Variants in SLC24A3 observed in about 807,000 individuals in gnomAD.
The protein encoded by SLC24A3 is sodium/potassium/calcium exchanger 3.
Under a neutral mutation model 75.8 loss-of-function variants are expected in SLC24A3, and 28 were observed. The observed-to-expected ratio is 0.37, with a 90% confidence interval of 0.27 to 0.51. The LOEUF (loss-of-function observed/expected upper bound fraction) is 0.51, where lower values mean the gene tolerates loss of function less well. Ranked by LOEUF, SLC24A3 falls within the 20% of genes least tolerant of loss-of-function variation. The pLI is 0.94. For missense variants in SLC24A3, 663 were observed against 847.8 expected (o/e 0.78, Z 2.71); for synonymous variants, 372 against 334.1 (o/e 1.11, Z -1.24).
intron 8 of SLC24A3, among the ~76,000 whole-genome samples, chr20:19,670,931 A>G (rs2032458443): frequency 6.6e-6 from 1 of 152,322 alleles, no homozygotes; most frequent in African/African-American, 2.4e-5. Flanking sequence ...AAATCTCTGG[A>G]TAATGAGACA....
intron 6 of SLC24A3, among the ~76,000 whole-genome samples, chr20:19,641,436 CAG>C (rs2032074193): frequency 1.3e-5 from 2 of 152,150 alleles, no homozygotes; most frequent in Admixed American, 6.5e-5. Flanking sequence ...GATATTAAAA[CAG>C]ATCTGCTGTA....
At chr20:19,536,122 G>C (rs73900403) in intron 3 of SLC24A3, among the ~76,000 whole-genome samples, 2 of 152,136 alleles carry the variant, frequency 1.3e-5, no homozygotes, top group East Asian at 3.9e-4. Context: ...GAGAGATGCC[G>C]CTGATGGAGA....
chr20:19,224,498 C>T (rs552176037), intron 1 of SLC24A3, among the ~76,000 whole-genome samples: 14 of 152,128 alleles, frequency 9.2e-5, no homozygotes, highest in African/African-American at 2.2e-4. Flanking sequence ...ACCTGAACTA[C>T]GTGCTGGATA....
chr20:19,422,795 A>G (rs1263296040), intron 2 of SLC24A3, among the ~76,000 whole-genome samples: 1 of 152,188 alleles, frequency 6.6e-6, no homozygotes, highest in Non-Finnish European at 1.5e-5. Flanking sequence ...TCAGGAAGGA[A>G]TTTCTCACCT....
intron 3 of SLC24A3, among the ~76,000 whole-genome samples, chr20:19,562,181 C>G (rs1283062705): frequency 6.6e-6 from 1 of 152,210 alleles, no homozygotes; most frequent in Non-Finnish European, 1.5e-5. Flanking sequence ...TTTTAGCTCT[C>G]TGCTTTGTAG....
intron 1 of SLC24A3, among the ~76,000 whole-genome samples, chr20:19,279,216 T>C (rs558563915): frequency 6.6e-6 from 1 of 152,346 alleles, no homozygotes; most frequent in South Asian, 2.1e-4. Context: ...ACCGTGTTGG[T>C]GTGGCTGGGT....
intron 9 of SLC24A3, among the ~76,000 whole-genome samples, chr20:19,680,352 A>G (rs963596537): frequency 3.3e-5 from 5 of 152,066 alleles, no homozygotes; most frequent in Non-Finnish European, 7.3e-5. Flanking sequence ...AATTGATCTG[A>G]TTCAGGCTAG....
intron 2 of SLC24A3, among the ~76,000 whole-genome samples, chr20:19,470,593 T>TGTACATAAACGCACACAC (rs1473779717): frequency 1.3e-5 from 2 of 152,118 alleles, no homozygotes; most frequent in African/African-American, 4.8e-5. Context: ...TGTGCACACA[T>TGTACATAAACGCACACAC]GTACATACAC....
chr20:19,659,429 G>C (rs1413604864), intron 7 of SLC24A3, among the ~76,000 whole-genome samples: 2 of 152,232 alleles, frequency 1.3e-5, no homozygotes, highest in Non-Finnish European at 2.9e-5. Flanking sequence ...ATCTTGTGCT[G>C]TCCAATGTGG....
chr20:19,422,003 C>T (rs1029671303), intron 2 of SLC24A3, among the ~76,000 whole-genome samples: 1 of 152,108 alleles, frequency 6.6e-6, no homozygotes, highest in Non-Finnish European at 1.5e-5. Flanking sequence ...CACGCCTCAG[C>T]CTCAGAGTTG....
At chr20:19,462,102 G>A (rs1016606255) in intron 2 of SLC24A3, among the ~76,000 whole-genome samples, 6 of 152,092 alleles carry the variant, frequency 3.9e-5, no homozygotes, top group Admixed American at 2.6e-4. Context: ...TGTTGCAGAG[G>A]TTTGGTGTAC....
chr20:19,663,788 C>T (rs2032366923), intron 7 of SLC24A3, among the ~76,000 whole-genome samples: 1 of 152,076 alleles, frequency 6.6e-6, no homozygotes, highest in Admixed American at 6.5e-5. Flanking sequence ...GATTATTGTG[C>T]TCCTGTTTGG....
intron 6 of SLC24A3, among the ~76,000 whole-genome samples, chr20:19,625,188 A>T (rs1012228569): frequency 1.3e-5 from 2 of 152,228 alleles, no homozygotes; most frequent in Non-Finnish European, 2.9e-5. Flanking sequence ...CAGATTCAAA[A>T]GAGGAATTGG....
intron 7 of SLC24A3, among the ~76,000 whole-genome samples, chr20:19,662,575 A>G (rs2032339841): frequency 6.6e-6 from 1 of 152,256 alleles, no homozygotes; most frequent in African/African-American, 2.4e-5. Context: ...CTGGAACGTG[A>G]GCACCACTTA....
chr20:19,557,090 G>T (rs370617226), intron 3 of SLC24A3, among the ~76,000 whole-genome samples: 9 of 152,150 alleles, frequency 5.9e-5, no homozygotes, highest in South Asian at 2.1e-4. Context: ...GAAGTCTGCA[G>T]CTCATGCACT....
At chr20:19,571,262 G>A (rs965258125) in intron 3 of SLC24A3, among the ~76,000 whole-genome samples, 2 of 152,146 alleles carry the variant, frequency 1.3e-5, no homozygotes, top group Non-Finnish European at 2.9e-5. Flanking sequence ...TAGCCCTGTA[G>A]GGAGCACATC....
intron 2 of SLC24A3, among the ~76,000 whole-genome samples, chr20:19,339,798 GT>G (rs1203085251): frequency 6.6e-6 from 1 of 152,220 alleles, no homozygotes; most frequent in Admixed American, 6.5e-5. Flanking sequence ...TACTAAGCAT[GT>G]TTGATAAATT....
intron 2 of SLC24A3, among the ~76,000 whole-genome samples, chr20:19,313,645 A>T (rs1254741810): frequency 6.6e-6 from 1 of 152,174 alleles, no homozygotes; most frequent in East Asian, 1.9e-4. Context: ...AACAAGTCAG[A>T]TTTTGAGATT....
intron 3 of SLC24A3, among the ~76,000 whole-genome samples, chr20:19,538,362 G>T (rs370036811): frequency 3.9e-5 from 6 of 152,296 alleles, no homozygotes; most frequent in Non-Finnish European, 7.4e-5. Flanking sequence ...GATAGAGATA[G>T]AGACATCCAA....
Sources: allele counts gnomAD v4.1 joint callset (sites outside exome capture counted in the v4.1 genomes callset), GRCh38; gene constraint gnomAD v4.1.1; transcripts MANE v1.5; gene names NCBI Gene and HGNC (gene_info 2026-07-23, HGNC 2026-07-21).